The following GPHN variants were observed in gnomAD, a reference collection of about 807,000 sequenced individuals.
GPHN encodes gephyrin.
A neutral mutation model predicts 95.5 loss-of-function variants in GPHN; 17 were observed. The observed-to-expected ratio is 0.18, with a 90% CI of 0.12 to 0.27. GPHN has a LOEUF of 0.27. GPHN is among the 10% of genes least tolerant of loss of function. GPHN has a pLI of 1.00. For synonymous variants in GPHN, 320 were observed against 322.5 expected (o/e 0.99, Z 0.08); for missense variants, 660 against 978.1 (o/e 0.67, Z 4.34).
chr14:66,960,044 G>A (rs745991507), intron 8 of GPHN, among the ~76,000 whole-genome samples: 41 of 151,436 alleles, frequency 2.7e-4, no homozygotes, highest in African/African-American at 8.0e-4. Flanking sequence ...TTTCATTTCC[G>A]TTGTAATTTT....
At chr14:67,264,547 G>A in the GPHN span, among the ~76,000 whole-genome samples, 1 of 152,074 alleles carries the variant, frequency 6.6e-6, no homozygotes, top group African/African-American at 2.4e-5. Context: ...GTTGATTTTT[G>A]TACCGTAAAT....
At chr14:67,698,065 C>G in the GPHN span, among the ~76,000 whole-genome samples, 1 of 152,158 alleles carries the variant, frequency 6.6e-6, no homozygotes, top group Non-Finnish European at 1.5e-5. Flanking sequence ...ACATTGCAGT[C>G]AACATTGAAG....
At chr14:67,394,517 T>A in the GPHN span, among the ~76,000 whole-genome samples, 1 of 152,184 alleles carries the variant, frequency 6.6e-6, no homozygotes, top group Non-Finnish European at 1.5e-5. Flanking sequence ...CCCACCTGCC[T>A]ACCCACCTTT....
chr14:66,719,849 T>A (rs536838729), intron 2 of GPHN, among the ~76,000 whole-genome samples: 3 of 152,328 alleles, frequency 2.0e-5, no homozygotes, highest in Admixed American at 6.5e-5. Context: ...AGTGTAATAG[T>A]TGCACTATGG....
rs117845601 is a variant in GPHN at position 66,680,309 on chromosome 14, T to C, written c.65-798T>C. Among the ~76,000 whole-genome samples, 319 of 152,332 alleles carry C rather than the reference T, an allele frequency of 2.1e-3. 1 individual carries two copies. The highest frequency in any genetic ancestry group is 3.7e-3 in the Non-Finnish European group (251 of 68,030). On this transcript the variant is annotated intron_variant, in intron 1 of 22. Coordinates refer to ENST00000478722, the MANE Select transcript of GPHN (RefSeq NM_020806.5). ...GGATGCTTTTGGTTGAGAGCAAATA[T>C]CTTGTGGGAAGACCTATTAAAATTT...
At chr14:66,951,132 G>A (rs928456200) in intron 8 of GPHN, among the ~76,000 whole-genome samples, 1 of 151,944 alleles carries the variant, frequency 6.6e-6, no homozygotes, top group African/African-American at 2.4e-5. Context: ...CATCATGTTG[G>A]TCAGGCTGGT....
chr14:66,917,564 G>T (rs1257286576), intron 6 of GPHN, among the ~76,000 whole-genome samples: 1 of 152,096 alleles, frequency 6.6e-6, no homozygotes, highest in South Asian at 2.1e-4. Context: ...GAGTTGTAAG[G>T]TTTGGCCACT....
At chr14:67,069,033 TAGA>T (rs2076177895) in intron 11 of GPHN, among the ~76,000 whole-genome samples, 2 of 152,128 alleles carry the variant, frequency 1.3e-5, no homozygotes, top group Admixed American at 1.3e-4. Context: ...AAGGTATACT[TAGA>T]AGTAGCTTTG....
the GPHN span, among the ~76,000 whole-genome samples, chr14:67,234,502 G>A: frequency 6.6e-6 from 1 of 152,178 alleles, no homozygotes; most frequent in Non-Finnish European, 1.5e-5. Context: ...TACATGTCAA[G>A]TTGAGTGAGT....
At chr14:67,390,232 T>C in the GPHN span, among the ~76,000 whole-genome samples, 1 of 152,166 alleles carries the variant, frequency 6.6e-6, no homozygotes, top group Non-Finnish European at 1.5e-5. Flanking sequence ...AAATATTATA[T>C]GGTGACAGAA....
the GPHN span, among the ~76,000 whole-genome samples, chr14:67,532,431 A>G: frequency 6.6e-6 from 1 of 152,178 alleles, no homozygotes; most frequent in Non-Finnish European, 1.5e-5. Flanking sequence ...CTCCAGGCTC[A>G]CCTAGCCAAA....
chr14:67,637,166 TTGGGAGGCTGAAG>T, the GPHN span, among the ~76,000 whole-genome samples: 1 of 151,942 alleles, frequency 6.6e-6, no homozygotes, highest in South Asian at 2.1e-4. Context: ...TCCTAGCGCT[TTGGGAGGCTGAAG>T]TGGGAGGATC....
chr14:67,590,036 T>A, the GPHN span: 1 of 1,532,442 alleles, frequency 6.5e-7, no homozygotes, highest in Non-Finnish European at 8.8e-7. Flanking sequence ...GGCTTAAGAG[T>A]CATCTCCCAT....
chr14:67,608,282 G>A, the GPHN span, among the ~76,000 whole-genome samples: 2 of 152,060 alleles, frequency 1.3e-5, no homozygotes, highest in Non-Finnish European at 2.9e-5. Flanking sequence ...CTGAACTCGC[G>A]TAGACTTTTT....
intron 16 of GPHN, among the ~76,000 whole-genome samples, chr14:67,113,701 G>A (rs1333111426): frequency 2.0e-5 from 3 of 151,972 alleles, no homozygotes; most frequent in Non-Finnish European, 4.4e-5. Context: ...AGCATCTCTA[G>A]TGGCATGATA....
intron 11 of GPHN, among the ~76,000 whole-genome samples, chr14:67,069,615 C>T (rs1027721905): frequency 6.6e-6 from 1 of 152,204 alleles, no homozygotes; most frequent in Admixed American, 6.5e-5. Context: ...GTCAAAGACA[C>T]TGAAGTCTTT....
At chr14:67,117,081 AGT>A (rs1480502522) in intron 16 of GPHN, among the ~76,000 whole-genome samples, 3 of 152,376 alleles carry the variant, frequency 2.0e-5, no homozygotes, top group Admixed American at 2.0e-4. Flanking sequence ...AGAGAAAGAA[AGT>A]GAGATGATTA....
chr14:66,524,781 A>C (rs2058621354), intron 1 of GPHN, among the ~76,000 whole-genome samples: 1 of 152,060 alleles, frequency 6.6e-6, no homozygotes, highest in Non-Finnish European at 1.5e-5. Context: ...GTTTGCTGAG[A>C]ATGATGGTTT....
chr14:67,542,167 G>A, the GPHN span, among the ~76,000 whole-genome samples: 1 of 151,286 alleles, frequency 6.6e-6, no homozygotes, highest in South Asian at 2.1e-4. Context: ...TTACTAAGCT[G>A]TTATCTTGCT....
Sources: allele counts gnomAD v4.1 joint callset (sites outside exome capture counted in the v4.1 genomes callset), GRCh38; gene constraint gnomAD v4.1.1; transcripts MANE v1.5; gene names NCBI Gene and HGNC (gene_info 2026-07-23, HGNC 2026-07-21).